The following KCNK2 variants were observed in gnomAD, a reference collection of about 807,000 sequenced individuals.
KCNK2 encodes potassium two pore domain channel subfamily K member 2.
In KCNK2, 21 loss-of-function variants were observed where a neutral mutation model predicts 40.5. That is an observed-to-expected ratio of 0.52 (90% CI 0.37 to 0.75). The LOEUF (loss-of-function observed/expected upper bound fraction) is 0.75. KCNK2 is among the 30% of genes least tolerant of loss of function. The pLI is 0.00. For synonymous variants in KCNK2, 191 were observed against 202.2 expected (o/e 0.94, Z 0.47); for missense variants, 399 against 531.6 (o/e 0.75, Z 2.45).
chr1:215,006,711 A>G (rs1368421719), intron 1 of KCNK2, among the ~76,000 whole-genome samples: 1 of 152,054 alleles, frequency 6.6e-6, no homozygotes, highest in African/African-American at 2.4e-5. Context: ...ATATTTTTTG[A>G]ATGCTGAATA....
At chr1:215,160,743 T>C (rs1663157588) in intron 3 of KCNK2, among the ~76,000 whole-genome samples, 1 of 152,154 alleles carries the variant, frequency 6.6e-6, no homozygotes, top group Non-Finnish European at 1.5e-5. Flanking sequence ...TTGGTGTTTT[T>C]TGGAATGTTG....
intron 1 of KCNK2, among the ~76,000 whole-genome samples, chr1:215,070,105 T>C (rs914016960): frequency 2.0e-5 from 3 of 151,744 alleles, no homozygotes; most frequent in African/African-American, 7.3e-5. Flanking sequence ...TGAGACTGGG[T>C]AATTTATATA....
chr1:215,050,831 G>A (rs1657960641), intron 1 of KCNK2, among the ~76,000 whole-genome samples: 1 of 152,166 alleles, frequency 6.6e-6, no homozygotes, highest in Non-Finnish European at 1.5e-5. Context: ...CTCCAAGCAA[G>A]TCCACTGTAA....
chr1:215,188,208 C>T (rs975640095), intron 5 of KCNK2, among the ~76,000 whole-genome samples: 1 of 152,208 alleles, frequency 6.6e-6, no homozygotes, highest in African/African-American at 2.4e-5. Context: ...GAATGCTTAC[C>T]AGGTCAGTCA....
At chr1:215,170,049 C>A (rs1287360515) in intron 4 of KCNK2, among the ~76,000 whole-genome samples, 3 of 152,104 alleles carry the variant, frequency 2.0e-5, no homozygotes, top group Non-Finnish European at 4.4e-5. Flanking sequence ...AATAATGGTA[C>A]TATGGAGGCA....
intron 1 of KCNK2, among the ~76,000 whole-genome samples, chr1:215,062,052 C>T (rs1460746443): frequency 6.6e-6 from 1 of 152,106 alleles, no homozygotes; most frequent in African/African-American, 2.4e-5. Flanking sequence ...ATAATAGATG[C>T]TAACAATCTT....
chr1:215,104,953 A>G (rs1425371784), intron 2 of KCNK2, among the ~76,000 whole-genome samples: 1 of 152,064 alleles, frequency 6.6e-6, no homozygotes, highest in Non-Finnish European at 1.5e-5. Flanking sequence ...TATCTCTAAA[A>G]TATAGATTTG....
chr1:215,022,044 A>C (rs1656815232), intron 1 of KCNK2, among the ~76,000 whole-genome samples: 1 of 149,806 alleles, frequency 6.7e-6, no homozygotes, highest in Non-Finnish European at 1.5e-5. Flanking sequence ...CAGCTTGCAG[A>C]TGACACACTG....
At chr1:215,140,486 G>T (rs1662127110) in intron 3 of KCNK2, among the ~76,000 whole-genome samples, 1 of 152,252 alleles carries the variant, frequency 6.6e-6, no homozygotes, top group South Asian at 2.1e-4. Context: ...TAGGCTATCT[G>T]CTATAGCCTA....
At chr1:215,106,113 G>A (rs894806009) in intron 2 of KCNK2, among the ~76,000 whole-genome samples, 4 of 152,084 alleles carry the variant, frequency 2.6e-5, no homozygotes, top group African/African-American at 9.7e-5. Flanking sequence ...CTAATAATGA[G>A]ATTGCTGGGT....
chr1:215,130,001 A>G (rs1661597475), intron 3 of KCNK2, among the ~76,000 whole-genome samples: 1 of 152,174 alleles, frequency 6.6e-6, no homozygotes, highest in Non-Finnish European at 1.5e-5. Flanking sequence ...ATTCAAAACA[A>G]GCCTCTTTCA....
chr1:215,023,782 G>T (rs1656895679), intron 1 of KCNK2, among the ~76,000 whole-genome samples: 1 of 152,204 alleles, frequency 6.6e-6, no homozygotes, highest in Non-Finnish European at 1.5e-5. Flanking sequence ...GAAGAAATTT[G>T]CATGAGAGGT....
chr1:215,090,591 T>C (rs1220602324), intron 2 of KCNK2, among the ~76,000 whole-genome samples: 1 of 152,218 alleles, frequency 6.6e-6, no homozygotes, highest in African/African-American at 2.4e-5. Flanking sequence ...GGCAAACCAG[T>C]AGAGGATGGT....
intron 5 of KCNK2, among the ~76,000 whole-genome samples, chr1:215,185,220 A>G (rs1341362061): frequency 6.6e-6 from 1 of 152,226 alleles, no homozygotes; most frequent in Non-Finnish European, 1.5e-5. Flanking sequence ...TGTGATTAAT[A>G]TGACAGATGC....
intron 6 of KCNK2, among the ~76,000 whole-genome samples, chr1:215,230,542 T>TATATAC (rs1409117172): frequency 1.1e-5 from 1 of 87,424 alleles, no homozygotes; most frequent in Non-Finnish European, 2.4e-5. Flanking sequence ...TGTATATATA[T>TATATAC]ACACACACAT....
chr1:215,086,231 T>TC, intron 1 of KCNK2, 137 bp from the exon 2 acceptor site: 1 of 668,546 alleles, frequency 1.5e-6, no homozygotes, highest in Non-Finnish European at 2.6e-6. Context: ...GTGACAGCAC[T>TC]CCTGGTTTGG....
In KCNK2 at chr1:215,156,055, G is replaced by C. The variant is rs965369111; in HGVS notation, c.476-13144G>C. Among the ~76,000 whole-genome samples, 9 of 131,842 alleles carry C rather than the reference G, an allele frequency of 6.8e-5. No homozygotes were observed. The South Asian group carries it at 2.1e-3, about 31-fold the overall frequency. 86.5% of individuals were successfully genotyped at this position (131,842 alleles called of 152,430 possible). ...TGTATATATTTGTAGATATATTATAGGTAGTCTGTGTGTGTGTGTGTGTGT... is the reference window on the plus strand; with the variant it reads ...TGTATATATTTGTAGATATATTATACGTAGTCTGTGTGTGTGTGTGTGTGT... On this transcript the variant is annotated intron_variant, in intron 3 of 6. Transcript: ENST00000444842.
chr1:215,043,904 T>C (rs1372083372), intron 1 of KCNK2, among the ~76,000 whole-genome samples: 1 of 152,012 alleles, frequency 6.6e-6, no homozygotes, highest in Non-Finnish European at 1.5e-5. Flanking sequence ...TAACGACAAA[T>C]GCAAGAAATC....
At chr1:215,208,935 C>A (rs1039606751) in intron 6 of KCNK2, among the ~76,000 whole-genome samples, 4 of 151,842 alleles carry the variant, frequency 2.6e-5, no homozygotes, top group Admixed American at 2.0e-4. Flanking sequence ...TCAAGCAATT[C>A]TCCTGTCTCG....
Sources: gnomAD v4.1 joint callset for allele counts (sites outside exome capture counted in the v4.1 genomes callset) on GRCh38, gnomAD v4.1.1 for gene constraint, MANE v1.5 for transcripts, NCBI Gene and HGNC (gene_info 2026-07-23, HGNC 2026-07-21) for gene names.